Variants in JADE1 observed in about 807,000 individuals in gnomAD.
The protein encoded by JADE1 is protein Jade-1.
A neutral mutation model predicts 81.8 loss-of-function variants in JADE1; 14 were observed. The observed-to-expected ratio is 0.17, with a 90% CI of 0.11 to 0.27. JADE1 has a LOEUF of 0.27. JADE1 is among the 10% of genes least tolerant of loss of function. The probability of loss-of-function intolerance (pLI) is 1.00; values close to 1 mark genes in which losing one functional copy is unlikely to be tolerated. For missense variants in JADE1, 690 were observed against 1,047.9 expected (o/e 0.66, Z 4.71); for synonymous variants, 353 against 391.9 (o/e 0.90, Z 1.17).
intron 1 of JADE1, among the ~76,000 whole-genome samples, chr4:128,828,771 C>G (rs1420281418): frequency 6.6e-6 from 1 of 151,992 alleles, no homozygotes; most frequent in East Asian, 1.9e-4. Context: ...CATTTTGATT[C>G]AAAAAGATTC....
intron 1 of JADE1, among the ~76,000 whole-genome samples, chr4:128,829,387 G>C (rs934620161): frequency 6.6e-6 from 1 of 152,134 alleles, no homozygotes; most frequent in African/African-American, 2.4e-5. Context: ...CTTTCTCTTG[G>C]TACATCATTT....
At chr4:128,859,381 G>A (rs937972217) in intron 8 of JADE1, among the ~76,000 whole-genome samples, 7 of 152,162 alleles carry the variant, frequency 4.6e-5, no homozygotes, top group African/African-American at 1.7e-4. Context: ...GTGTATGTGT[G>A]TGAGTATGCA....
intron 1 of JADE1, chr4:128,810,458 T>G (rs1726245696): frequency 6.7e-6 from 1 of 150,080 alleles, no homozygotes; most frequent in Non-Finnish European, 1.5e-5. Context: ...AGGTTTTTTT[T>G]TTTTTTTTTT....
intron 8 of JADE1, 81 bp downstream of exon 8, chr4:128,857,535 C>G: frequency 8.6e-7 from 1 of 1,167,336 alleles, no homozygotes. Flanking sequence ...TGTGAACTGT[C>G]CAAGGGTTTG....
At chr4:128,816,875 TTC>T (rs886481578) in intron 1 of JADE1, among the ~76,000 whole-genome samples, 3 of 151,960 alleles carry the variant, frequency 2.0e-5, no homozygotes, top group Non-Finnish European at 4.4e-5. Context: ...AAACTACATT[TTC>T]TCTCTCTTTT....
chr4:128,868,024 T>C (rs1318001398), intron 10 of JADE1, 51 bp downstream of exon 10: 7 of 866,922 alleles, frequency 8.1e-6, no homozygotes, highest in Non-Finnish European at 1.3e-5. Flanking sequence ...GTTTGTAAGC[T>C]TTAACACTGT....
intron 2 of JADE1, among the ~76,000 whole-genome samples, chr4:128,838,475 GT>G (rs1248775216): frequency 1.3e-5 from 2 of 152,094 alleles, no homozygotes; most frequent in African/African-American, 4.8e-5. Flanking sequence ...AATTTTACTC[GT>G]CATGTGCTTA....
intron 1 of JADE1, among the ~76,000 whole-genome samples, chr4:128,822,588 A>G (rs934764603): frequency 1.9e-4 from 29 of 151,606 alleles, no homozygotes; most frequent in African/African-American, 4.6e-4. Flanking sequence ...GCGTGGTGGC[A>G]CATGCCTGTA....
At chr4:128,813,509 C>T (rs769182325) in intron 1 of JADE1, among the ~76,000 whole-genome samples, 31 of 150,962 alleles carry the variant, frequency 2.1e-4, no homozygotes, top group African/African-American at 2.4e-4. Context: ...ACCTCCGCCT[C>T]CTGGGTTCAA....
rs775660190 is a variant in JADE1, at chr4:128,857,431, G to C, written c.958G>C (p.Glu320Gln). The C allele has an allele frequency of 1.9e-6, 3 of 1,614,066 alleles. No individual in the cohort carries two copies. The South Asian group carries it at 3.3e-5, about 18-fold the overall frequency. Residue 320 changes from glutamate (E) to glutamine (Q), a missense_variant, in exon 8 of 11, where the codon GAG (glutamate) becomes CAG (glutamine). By Grantham distance (29) the Glu-to-Gln change is conservative. Transcript: ENST00000226319. ...RWALVCSLCN[E>Q]KFGASIQCSV... is the part of the protein sequence containing the mutation. ...GGCGCTAGTGTGCAGCCTCTGCAAT[G>C]AGAAGTTTGGGGCCTCTATACAGGT...
In JADE1 at chr4:128,873,249, GAAAAAGGAAAAAAAAAAA is replaced by G. The variant is rs1732322572; in HGVS notation, c.*994_*1011del. 9.3e-5 allele frequency: 1 copy of G among 10,702 alleles called. No individual in the cohort carries two copies. The highest frequency in any genetic ancestry group is 2.1e-4 in the Non-Finnish European group (1 of 4,826). The allele number at this position is 10,702 out of a possible 1,614,324, so 0.7% of individuals were successfully genotyped here. Reference sequence around the variant, plus strand: ...CTTCCAACATGAATGGATTCCTTAAGAAAAAGGAAAAAAAAAAAAAAAAGAAAAAAAGAAAAAAAAAAG... The same window carrying G: ...CTTCCAACATGAATGGATTCCTTAAGAAAAAGAAAAAAAGAAAAAAAAAAG... On this transcript the variant is annotated 3_prime_UTR_variant, in exon 11 of 11. Transcript: ENST00000226319.
Position 128,846,620 on chromosome 4 carries a change from G to A in JADE1, c.296+88G>A. 5.0e-6 allele frequency: 7 copies of A among 1,390,080 alleles called. No homozygotes were observed. Among genetic ancestry groups the A allele is most frequent in the Non-Finnish European group, 6.9e-6 (7 of 1,011,454 alleles). The allele number at this position is 1,390,080 out of a possible 1,614,324, so 86.1% of individuals were successfully genotyped here. On this transcript the variant is annotated intron_variant, in intron 4 of 10. Transcript: ENST00000226319. The surrounding 1 kb of genome is among the most constrained non-coding windows in gnomAD (Gnocchi z 4.0). ...GCATCTGAGAAGAGACAATTTCTGT[G>A]GGAAGAGACAGTTTCTGAGTTAGCA...
rs150447585 is a variant in JADE1 at position 128,837,579 on chromosome 4, A to G, written c.53-5374A>G. Among the ~76,000 whole-genome samples the G allele has an allele frequency of 1.4e-3, 217 of 152,356 alleles. 1 individual carries two copies. Among genetic ancestry groups the G allele is most frequent in the African/African-American group, 5.0e-3 (207 of 41,586 alleles). On this transcript the variant is annotated intron_variant, in intron 2 of 10. Coordinates refer to ENST00000226319, the MANE Select transcript of JADE1 (RefSeq NM_199320.4). The stretch of plus-strand genomic sequence containing the variant: ...TGTCATGCCGCTAAAACAAATAAAC[A>G]GTAACTAGATTAAATTTCCCTAATT...
At chr4:128,854,466 CT>C (rs1256118337) in intron 6 of JADE1, among the ~76,000 whole-genome samples, 1 of 152,174 alleles carries the variant, frequency 6.6e-6, no homozygotes, top group African/African-American at 2.4e-5. Flanking sequence ...TATAGTGTCA[CT>C]TAACTCCATT....
intron 1 of JADE1, among the ~76,000 whole-genome samples, chr4:128,810,715 A>G (rs559403746): frequency 1.1e-4 from 12 of 106,056 alleles, no homozygotes; most frequent in Non-Finnish European, 2.1e-4. Flanking sequence ...CATTGCATCA[A>G]TTCAAGGGCA....
At chr4:128,825,185 A>G (rs1381339008) in intron 1 of JADE1, among the ~76,000 whole-genome samples, 2 of 152,128 alleles carry the variant, frequency 1.3e-5, no homozygotes, top group African/African-American at 4.8e-5. Context: ...AACAACAGGA[A>G]TACACCACCA....
chr4:128,821,620 G>A (rs960323507), intron 1 of JADE1, among the ~76,000 whole-genome samples: 7 of 151,306 alleles, frequency 4.6e-5, no homozygotes, highest in Non-Finnish European at 1.0e-4. Context: ...TCAGCCTCCC[G>A]AGTAGAGTAG....
chr4:128,838,690 C>T (rs1729189099), intron 2 of JADE1, among the ~76,000 whole-genome samples: 1 of 152,152 alleles, frequency 6.6e-6, no homozygotes, highest in South Asian at 2.1e-4. Context: ...CACTGTCCCA[C>T]CCCCAATATT....
chr4:128,817,246 G>T (rs912170289), intron 1 of JADE1, among the ~76,000 whole-genome samples: 1 of 151,908 alleles, frequency 6.6e-6, no homozygotes, highest in Non-Finnish European at 1.5e-5. Context: ...ATGTTGCTCA[G>T]GTTGCCCAGG....
Sources: allele counts gnomAD v4.1 joint callset (sites outside exome capture counted in the v4.1 genomes callset), GRCh38; gene constraint gnomAD v4.1.1; non-coding constraint Gnocchi (gnomAD v3.1); transcripts MANE v1.5; gene names NCBI Gene and HGNC (gene_info 2026-07-23, HGNC 2026-07-21).